Variants in METTL9 observed in about 807,000 individuals in gnomAD.
The protein encoded by METTL9 is protein-L-histidine N-pros-methyltransferase.
METTL9 carries 10 observed loss-of-function variants against 36.0 expected under a neutral mutation model. The ratio of observed to expected loss-of-function variants is 0.28; its 90% CI spans 0.17 to 0.47. The LOEUF (loss-of-function observed/expected upper bound fraction) is 0.47, where lower values mean the gene tolerates loss of function less well. Among genes scored for constraint, METTL9 ranks in the 20% least tolerant of loss-of-function variants. The pLI is 0.99. For synonymous variants in METTL9, 175 were observed against 149.7 expected (o/e 1.17, Z -1.23); for missense variants, 246 against 383.5 (o/e 0.64, Z 3.00).
Position 21,651,321 on chromosome 16 carries a change from G to GTCTTGC in METTL9, c.752-3902_752-3897dup, listed in dbSNP as rs1421743347. Among the ~76,000 whole-genome samples, 9 of 151,880 alleles carry GTCTTGC rather than the reference G, an allele frequency of 5.9e-5. No individual in the cohort carries two copies. The East Asian group carries it at 9.7e-4, about 16-fold the overall frequency. On this transcript the variant is annotated intron_variant, in intron 4 of 4. Transcript: ENST00000358154. Reference sequence around the variant, plus strand: ...TCTAGTAAGTAAGAAGTAAGTAAATGTCTTGCTCTGTTGCCCAGGCTGGAG... The same window carrying GTCTTGC: ...TCTAGTAAGTAAGAAGTAAGTAAATGTCTTGCTCTTGCTCTGTTGCCCAGGCTGGAG...
intron 1 of METTL9, among the ~76,000 whole-genome samples, chr16:21,608,299 C>T (rs1965343848): frequency 6.6e-6 from 1 of 152,088 alleles, no homozygotes; most frequent in Admixed American, 6.6e-5. Context: ...AAAGGGGTTC[C>T]TGCAGATTTT....
chr16:21,647,892 G>T (rs1056283502), intron 4 of METTL9, among the ~76,000 whole-genome samples: 2 of 152,282 alleles, frequency 1.3e-5, no homozygotes, highest in South Asian at 4.1e-4. Context: ...GGCCTCCCCA[G>T]AGTGCTGTGT....
At chr16:21,608,356 C>CT (rs1965344766) in intron 1 of METTL9, among the ~76,000 whole-genome samples, 1 of 152,274 alleles carries the variant, frequency 6.6e-6, no homozygotes, top group South Asian at 2.1e-4. Context: ...AAGGTGACTG[C>CT]TCCTTTAAGG....
At chr16:21,625,561 T>G (rs1965798397) in intron 4 of METTL9, among the ~76,000 whole-genome samples, 1 of 152,190 alleles carries the variant, frequency 6.6e-6, no homozygotes, top group African/African-American at 2.4e-5. Context: ...TTTATCTGTT[T>G]TTTTCTCTTT....
chr16:21,599,807 G>A lies in METTL9; in HGVS notation c.74G>A (p.Arg25Gln), dbSNP rs765967806. ...CTGGCGCGGAGGATGTGGACGCTGC[G>A]GAGCCCGCTCACCCGCTCCCTGTAC... ...VWLARRMWTLRSPLTRSLYVN... is the reference protein window; with the variant it reads ...VWLARRMWTLQSPLTRSLYVN... Residue 25 changes from arginine (R) to glutamine (Q), a missense_variant, in exon 1 of 5, where the codon CGG becomes CAG. By Grantham distance (43) the Arg-to-Gln change is conservative. Coordinates refer to ENST00000358154, the MANE Select transcript of METTL9 (RefSeq NM_016025.5). This position sits in a 1 kb window ranked among gnomAD's most constrained non-coding sequence, Gnocchi z 4.4. The A allele has an allele frequency of 2.6e-6, 4 of 1,548,394 alleles. No individual in the cohort carries two copies. The South Asian group carries it at 4.7e-5, about 18-fold the overall frequency.
chr16:21,633,002 A>G (rs1966002485), intron 4 of METTL9, among the ~76,000 whole-genome samples: 4 of 152,112 alleles, frequency 2.6e-5, no homozygotes, highest in African/African-American at 9.7e-5. Flanking sequence ...TTCCCCTTCT[A>G]CTAGATGAGT....
Position 21,606,630 on chromosome 16 carries a change from T to C in METTL9, c.166-6015T>C, listed in dbSNP as rs1965295616. Among the ~76,000 whole-genome samples, 4 of 152,092 alleles carry C rather than the reference T, an allele frequency of 2.6e-5. No individual in the cohort carries two copies. In the South Asian group the frequency reaches 8.3e-4, roughly 32 times the overall value. ...GGTGGGGCTGAAAGTTTGAACCTTA[T>C]ACCCACATCCTGGTCCCCATCCTGA... is the stretch of plus-strand genomic sequence containing the variant. On this transcript the variant is annotated intron_variant, in intron 1 of 4. Coordinates refer to ENST00000358154, the MANE Select transcript of METTL9 (RefSeq NM_016025.5).
chr16:21,647,436 A>G (rs1291319660), intron 4 of METTL9: 2 of 1,614,110 alleles, frequency 1.2e-6, no homozygotes, highest in Non-Finnish European at 1.7e-6. Flanking sequence ...TCATGAGTGT[A>G]GTCCACTTCT....
At chr16:21,647,392 G>A (rs564145745) in intron 4 of METTL9, 13 of 1,614,102 alleles carry the variant, frequency 8.1e-6, no homozygotes, top group South Asian at 3.3e-5. Context: ...AAGGGCATCC[G>A]GTTGCGGAGA....
intron 4 of METTL9, among the ~76,000 whole-genome samples, chr16:21,635,479 A>G (rs1034905244): frequency 4.0e-5 from 6 of 149,450 alleles, no homozygotes; most frequent in Non-Finnish European, 8.9e-5. Flanking sequence ...ATAGTTGTGT[A>G]TTCTCGTGTA....
intron 4 of METTL9, among the ~76,000 whole-genome samples, chr16:21,645,229 G>A (rs891423430): frequency 6.6e-6 from 1 of 152,190 alleles, no homozygotes; most frequent in African/African-American, 2.4e-5. Flanking sequence ...GAGGTGGGCA[G>A]ATCACTTGAG....
chr16:21,623,604 C>T (rs1346939538), intron 3 of METTL9, among the ~76,000 whole-genome samples: 1 of 152,058 alleles, frequency 6.6e-6, no homozygotes, highest in Non-Finnish European at 1.5e-5. Context: ...TATAAAAACT[C>T]CCCCTTTCTA....
intron 4 of METTL9, chr16:21,626,881 G>C: frequency 1.1e-6 from 1 of 887,518 alleles, no homozygotes; most frequent in Non-Finnish European, 1.4e-6. Context: ...GAAAGAGCAG[G>C]GGGAAGAAAC....
chr16:21,600,002 C>T (rs1440486408), intron 1 of METTL9, 104 bp downstream of exon 1: 1 of 995,726 alleles, frequency 1.0e-6, no homozygotes, highest in Non-Finnish European at 1.3e-6. Flanking sequence ...CGGCCCGGCC[C>T]TCGCCCCTCC....
intron 4 of METTL9, chr16:21,652,773 A>G (rs1009557088): frequency 4.2e-5 from 22 of 528,582 alleles, no homozygotes; most frequent in African/African-American, 3.3e-4. Flanking sequence ...TTTGGCCTGG[A>G]GCACATTTAG....
At chr16:21,643,625 G>T (rs1233649959) in intron 4 of METTL9, 5 of 1,534,542 alleles carry the variant, frequency 3.3e-6, no homozygotes, top group Non-Finnish European at 4.5e-6. Context: ...GAAAGTCTAT[G>T]AAACATTTTA....
intron 4 of METTL9, among the ~76,000 whole-genome samples, chr16:21,650,506 C>G (rs1256319847): frequency 1.1e-5 from 1 of 94,424 alleles, no homozygotes; most frequent in African/African-American, 3.8e-5. Flanking sequence ...AGACTCTTGT[C>G]TCAAAAAAAA....
At chr16:21,632,804 A>G (rs766127724) in intron 4 of METTL9, among the ~76,000 whole-genome samples, 2 of 152,128 alleles carry the variant, frequency 1.3e-5, no homozygotes, top group Non-Finnish European at 2.9e-5. Context: ...TTTTGCTACT[A>G]CATCAATTTC....
At chr16:21,603,142 CTTT>C (rs202168603) in intron 1 of METTL9, among the ~76,000 whole-genome samples, 2 of 143,544 alleles carry the variant, frequency 1.4e-5, no homozygotes, top group Non-Finnish European at 1.5e-5. Context: ...TAACAAACAG[CTTT>C]TTTTTTTTTT....
Sources: allele counts gnomAD v4.1 joint callset (sites outside exome capture counted in the v4.1 genomes callset), GRCh38; gene constraint gnomAD v4.1.1; non-coding constraint Gnocchi (gnomAD v3.1); transcripts MANE v1.5; gene names NCBI Gene and HGNC (gene_info 2026-07-23, HGNC 2026-07-21).